Variants in ZNF385D observed in about 807,000 individuals in gnomAD.
ZNF385D encodes the protein zinc finger protein 385D, also known as zinc finger protein 659.
A neutral mutation model predicts 35.8 loss-of-function variants in ZNF385D; 15 were observed. The ratio of observed to expected loss-of-function variants is 0.42; its 90% CI spans 0.28 to 0.64. ZNF385D has a LOEUF of 0.64. Ranked by LOEUF, ZNF385D falls within the 30% of genes least tolerant of loss-of-function variation. ZNF385D has a pLI of 0.23. For missense variants in ZNF385D, 474 were observed against 494.6 expected, an observed-to-expected ratio of 0.96 and a Z score of 0.39; for synonymous variants, 212 against 186.8, an observed-to-expected ratio of 1.13 and a Z score of -1.10.
chr3:21,572,186 C>CTTGGGAAATTTTCAAGTT (rs2125678795), intron 2 of ZNF385D, among the ~76,000 whole-genome samples: 2 of 152,244 alleles, frequency 1.3e-5, no homozygotes, highest in East Asian at 3.9e-4. Context: ...ACTACTATCA[C>CTTGGGAAATTTTCAAGTT]TTGGGAAATT....
intron 3 of ZNF385D, among the ~76,000 whole-genome samples, chr3:21,827,861 A>G (rs1694742919): frequency 6.6e-6 from 1 of 152,234 alleles, no homozygotes; most frequent in African/African-American, 2.4e-5. Flanking sequence ...AGAAAGAAAC[A>G]TGCTGAATTT....
At chr3:21,450,900 A>T (rs1702417220) in intron 4 of ZNF385D, among the ~76,000 whole-genome samples, 2 of 152,190 alleles carry the variant, frequency 1.3e-5, no homozygotes, top group African/African-American at 4.8e-5. Flanking sequence ...TTTCTGGCTG[A>T]CTTGTCAATC....
At chr3:21,671,241 G>A (rs2066567916) in intron 1 of ZNF385D, among the ~76,000 whole-genome samples, 2 of 151,900 alleles carry the variant, frequency 1.3e-5, no homozygotes, top group African/African-American at 2.4e-5. Flanking sequence ...ATGCTTCCCC[G>A]CCTGTCAGAA....
In ZNF385D at chr3:21,547,693, T is replaced by G. The variant is rs2062424883; in HGVS notation, c.276+16881A>C. ...GTGCAGTGGCATGATCTCAGCTCAC[T>G]GCAACCTCTGCCTTCCAGGTTCAAG... is the stretch of plus-strand genomic sequence containing the variant. On this transcript the variant is annotated intron_variant, in intron 3 of 7. Transcript: ENST00000281523. Among the ~76,000 whole-genome samples, 3 of 151,714 alleles carry G rather than the reference T, an allele frequency of 2.0e-5. No homozygotes were observed. In the South Asian group the frequency reaches 6.3e-4, roughly 32 times the overall value.
At chr3:22,234,214 C>G (rs1699051385) in intron 2 of ZNF385D, among the ~76,000 whole-genome samples, 1 of 152,102 alleles carries the variant, frequency 6.6e-6, no homozygotes, top group African/African-American at 2.4e-5. Context: ...GTTGCCTTAT[C>G]AGAAAAGCTC....
intron 3 of ZNF385D, among the ~76,000 whole-genome samples, chr3:21,810,881 A>G (rs1471299108): frequency 6.6e-6 from 1 of 151,840 alleles, no homozygotes; most frequent in Admixed American, 6.6e-5. Flanking sequence ...AAGATAAATT[A>G]AATGGTAAAT....
intron 4 of ZNF385D, among the ~76,000 whole-genome samples, chr3:21,478,664 G>A (rs1704402182): frequency 6.6e-6 from 1 of 152,086 alleles, no homozygotes. Context: ...AGCCTAAGCT[G>A]TCCTCTGATA....
chr3:21,698,958 A>T (rs1395923231), intron 1 of ZNF385D, among the ~76,000 whole-genome samples: 6 of 152,110 alleles, frequency 3.9e-5, no homozygotes, highest in African/African-American at 7.2e-5. Flanking sequence ...GAACCAGAAA[A>T]ACCATTTGAC....
chr3:22,313,574 C>T (rs1030868332), intron 2 of ZNF385D, among the ~76,000 whole-genome samples: 1 of 151,808 alleles, frequency 6.6e-6, no homozygotes, highest in Non-Finnish European at 1.5e-5. Flanking sequence ...AAACAGACAA[C>T]TCAAGAATTT....
intron 2 of ZNF385D, among the ~76,000 whole-genome samples, chr3:21,573,235 G>T (rs532182841): frequency 1.1e-4 from 17 of 152,246 alleles, no homozygotes; most frequent in Middle Eastern, 3.4e-3. Flanking sequence ...CTATGTAAAA[G>T]ATAAAATACC....
At chr3:22,328,778 T>TA (rs1218718818) in intron 2 of ZNF385D, among the ~76,000 whole-genome samples, 12 of 146,762 alleles carry the variant, frequency 8.2e-5, no homozygotes, top group South Asian at 2.2e-4. Context: ...AAAAAGTTAA[T>TA]AAAAAAGAGT....
intron 4 of ZNF385D, among the ~76,000 whole-genome samples, chr3:21,458,214 T>C (rs2076829): frequency 0.3 from 45,923 of 151,670 alleles, 8,366 homozygotes; most frequent in African/African-American, 0.51. Context: ...TGCTCATACC[T>C]GTAATCCTAG....
At chr3:22,123,102 G>C (rs923423148) in intron 3 of ZNF385D, among the ~76,000 whole-genome samples, 1 of 152,088 alleles carries the variant, frequency 6.6e-6, no homozygotes, top group Non-Finnish European at 1.5e-5. Flanking sequence ...AAACACTCTG[G>C]ATGATGAGTT....
chr3:21,481,558 C>G (rs1464431325), intron 4 of ZNF385D, among the ~76,000 whole-genome samples: 1 of 152,086 alleles, frequency 6.6e-6, no homozygotes, highest in African/African-American at 2.4e-5. Flanking sequence ...CAGACAGGGT[C>G]TCGCTCTGTC....
chr3:21,885,734 CTGTGTCTGTGTGTGTGTGTGTGTG>C (rs1187096280), intron 3 of ZNF385D, among the ~76,000 whole-genome samples: 3 of 131,844 alleles, frequency 2.3e-5, no homozygotes, highest in African/African-American at 2.7e-5. Flanking sequence ...CAGGGTGTGT[CTGTGTCTGTGTGTGTGTGTGTGTG>C]TGTGTGTGTG....
In ZNF385D at chr3:22,359,646, C is replaced by G. The variant is rs544534898; in HGVS notation, c.106+12804G>C. 4.6e-5 allele frequency among the ~76,000 whole-genome samples: 7 copies of G among 151,836 alleles called. No homozygotes were observed. The South Asian group carries it at 1.5e-3, about 32-fold the overall frequency. ...AATAGTTAAACTCTGAGAAAACAGC[C>G]TTGGTATTGAGAGACAGTCATGTCA... On this transcript the variant is annotated intron_variant, in intron 2 of 5. Transcript: ENST00000494108.
At chr3:22,118,982 G>A (rs1294901412) in intron 3 of ZNF385D, among the ~76,000 whole-genome samples, 4 of 152,036 alleles carry the variant, frequency 2.6e-5, no homozygotes, top group Admixed American at 6.6e-5. Flanking sequence ...AGAGACATAA[G>A]AAACTATCAC....
intron 3 of ZNF385D, among the ~76,000 whole-genome samples, chr3:21,846,262 T>C (rs1486371): frequency 0.07 from 10,713 of 152,114 alleles, 555 homozygotes; most frequent in East Asian, 0.21. Flanking sequence ...TCAGTTCTAA[T>C]AAAAATATAC....
intron 2 of ZNF385D, among the ~76,000 whole-genome samples, chr3:21,592,985 C>A (rs1049892028): frequency 6.6e-6 from 1 of 152,158 alleles, no homozygotes; most frequent in Non-Finnish European, 1.5e-5. Flanking sequence ...AGCTTCTGAC[C>A]GACTTGGAAA....
Sources: allele counts gnomAD v4.1 joint callset (sites outside exome capture counted in the v4.1 genomes callset), GRCh38; gene constraint gnomAD v4.1.1; transcripts MANE v1.5; gene names NCBI Gene and HGNC (gene_info 2026-07-23, HGNC 2026-07-21).